Variants in CCSER1 observed in about 807,000 individuals in gnomAD.
CCSER1 encodes serine-rich coiled-coil domain-containing protein 1.
In CCSER1, 41 loss-of-function variants were observed where a neutral mutation model predicts 82.0. The ratio of observed to expected loss-of-function variants is 0.50; its 90% confidence interval spans 0.39 to 0.65. The LOEUF (loss-of-function observed/expected upper bound fraction) is 0.65. CCSER1 is among the 30% of genes least tolerant of loss of function. CCSER1 has a pLI of 0.00. For synonymous variants in CCSER1, 414 were observed against 383.9 expected, an observed-to-expected ratio of 1.08 and a Z score of -0.92; for missense variants, 1,119 against 1,064.2, an observed-to-expected ratio of 1.05 and a Z score of -0.72.
In CCSER1 at chr4:90,808,054, A is replaced by G. The variant is rs150431416; in HGVS notation, c.2011-7708A>G. On this transcript the variant is annotated intron_variant, in intron 7 of 10. Transcript: ENST00000509176. ...CTGTATAAAAGTAGATACATAGACCATTGGAACAGAATAGAGAACCCAGAA... is the reference window on the plus strand; with the variant it reads ...CTGTATAAAAGTAGATACATAGACCGTTGGAACAGAATAGAGAACCCAGAA... Among the ~76,000 whole-genome samples, 71 of 152,348 alleles carry G rather than the reference A, an allele frequency of 4.7e-4. 1 individual carries two copies. In the East Asian group the frequency reaches 0.012, roughly 25 times the overall value.
chr4:90,474,414 A>T (rs974527051), intron 5 of CCSER1, among the ~76,000 whole-genome samples: 2 of 152,212 alleles, frequency 1.3e-5, no homozygotes, highest in Admixed American at 1.3e-4. Context: ...AGCAGGGCCA[A>T]GTGACATGGT....
chr4:91,388,077 A>T (rs1528579), intron 10 of CCSER1, among the ~76,000 whole-genome samples: 102,299 of 151,820 alleles, frequency 0.67, 34,952 homozygotes, highest in East Asian at 0.86. Flanking sequence ...ATCAATTGAT[A>T]ATGAAATGGC....
chr4:91,583,555 C>A (rs1392664443), intron 10 of CCSER1, among the ~76,000 whole-genome samples: 1 of 151,264 alleles, frequency 6.6e-6, no homozygotes, highest in Non-Finnish European at 1.5e-5. Context: ...CTATAGAGTT[C>A]CTTGACATTT....
At chr4:91,306,885 C>T (rs1318816062) in intron 10 of CCSER1, among the ~76,000 whole-genome samples, 2 of 151,844 alleles carry the variant, frequency 1.3e-5, no homozygotes, top group African/African-American at 4.8e-5. Flanking sequence ...TTTTCTGCTG[C>T]ACTCTGAGGA....
intron 3 of CCSER1, among the ~76,000 whole-genome samples, chr4:90,344,750 G>A (rs928573735): frequency 1.7e-4 from 26 of 152,164 alleles, no homozygotes; most frequent in African/African-American, 5.8e-4. Context: ...GCCAGGTATA[G>A]TAACTTGTGC....
intron 5 of CCSER1, among the ~76,000 whole-genome samples, chr4:90,606,621 T>C (rs1784746692): frequency 6.6e-6 from 1 of 152,184 alleles, no homozygotes; most frequent in Admixed American, 6.6e-5. Flanking sequence ...CTGTGAAAAA[T>C]TTATTTTCAC....
intron 10 of CCSER1, among the ~76,000 whole-genome samples, chr4:91,241,978 A>G (rs917820309): frequency 6.7e-6 from 1 of 150,272 alleles, no homozygotes; most frequent in African/African-American, 2.5e-5. Context: ...ATATATATAT[A>G]TTTATGTGCA....
At chr4:91,593,063 A>ATAC (rs200496870) in intron 10 of CCSER1, among the ~76,000 whole-genome samples, 4,263 of 152,220 alleles carry the variant, frequency 0.028, no homozygotes, top group African/African-American at 0.095. Context: ...TCCCCCATAA[A>ATAC]TTCTATCATC....
Position 90,309,415 on chromosome 4 carries a change from A to G in CCSER1, c.1131A>G (p.Ile377Met). ...LPADSEREENIGLQNGETMLG... is the reference protein window; with the variant it reads ...LPADSEREENMGLQNGETMLG... The stretch of plus-strand genomic sequence containing the variant: ...CAGATAGTGAAAGAGAAGAAAATAT[A>G]GGGTTACAAAATGGTGAAACAATGC... Residue 377 changes from isoleucine to methionine, a missense_variant, in exon 2 of 11, where the codon ATA becomes ATG. Coordinates refer to ENST00000509176, the MANE Select transcript of CCSER1 (RefSeq NM_001145065.2). 6.2e-7 allele frequency: 1 copy of G among 1,613,826 alleles called. No homozygotes were observed.
intron 10 of CCSER1, among the ~76,000 whole-genome samples, chr4:91,526,439 T>A (rs1391978448): frequency 1.3e-5 from 2 of 152,144 alleles, no homozygotes; most frequent in Non-Finnish European, 2.9e-5. Context: ...CTGACCACCC[T>A]GGGGACATGT....
At chr4:90,730,662 G>T (rs748960190) in intron 7 of CCSER1, among the ~76,000 whole-genome samples, 40 of 152,140 alleles carry the variant, frequency 2.6e-4, no homozygotes, top group Non-Finnish European at 3.5e-4. Flanking sequence ...GAGTGTGTTG[G>T]TGTTTCAAAA....
At chr4:91,232,594 CAT>C (rs1358787791) in intron 10 of CCSER1, among the ~76,000 whole-genome samples, 3 of 151,578 alleles carry the variant, frequency 2.0e-5, no homozygotes, top group African/African-American at 4.8e-5. Flanking sequence ...AGGAAAGAAA[CAT>C]ATTTTTCATG....
intron 10 of CCSER1, among the ~76,000 whole-genome samples, chr4:91,331,713 T>C (rs747865397): frequency 6.6e-6 from 1 of 152,130 alleles, no homozygotes; most frequent in East Asian, 1.9e-4. Flanking sequence ...TAAAAAGATG[T>C]CAATTGATAA....
chr4:91,485,228 T>C (rs557574468), intron 10 of CCSER1, among the ~76,000 whole-genome samples: 2 of 152,166 alleles, frequency 1.3e-5, no homozygotes, highest in African/African-American at 4.8e-5. Flanking sequence ...ATTTCTTAAA[T>C]ATCATTTTCA....
chr4:90,344,408 T>G (rs184580023), intron 3 of CCSER1, among the ~76,000 whole-genome samples: 84 of 152,318 alleles, frequency 5.5e-4, no homozygotes, highest in Admixed American at 5.4e-3. Flanking sequence ...TCACACTTAC[T>G]TGAATCTGTT....
chr4:91,274,966 A>G (rs1194949886), intron 10 of CCSER1, among the ~76,000 whole-genome samples: 2 of 151,832 alleles, frequency 1.3e-5, no homozygotes, highest in Admixed American at 1.3e-4. Context: ...AATAGCTGGG[A>G]GTGGTGGCAG....
chr4:90,569,891 G>A (rs1248744688), intron 5 of CCSER1, among the ~76,000 whole-genome samples: 24 of 152,268 alleles, frequency 1.6e-4, no homozygotes, highest in Non-Finnish European at 2.9e-4. Flanking sequence ...CCACAGGAGA[G>A]TGCCTACAGC....
intron 9 of CCSER1, among the ~76,000 whole-genome samples, chr4:91,065,622 T>C (rs1720734009): frequency 6.6e-6 from 1 of 152,096 alleles, no homozygotes; most frequent in Admixed American, 6.5e-5. Context: ...TTTTGTGTTA[T>C]TGTCTGTAGA....
chr4:91,195,694 A>G (rs1272608512), intron 10 of CCSER1, among the ~76,000 whole-genome samples: 1 of 152,178 alleles, frequency 6.6e-6, no homozygotes, highest in Non-Finnish European at 1.5e-5. Context: ...AAACAAAACT[A>G]CTTTTAATCT....
Sources: gnomAD v4.1 joint callset for allele counts (sites outside exome capture counted in the v4.1 genomes callset) on GRCh38, gnomAD v4.1.1 for gene constraint, MANE v1.5 for transcripts, NCBI Gene and HGNC (gene_info 2026-07-23, HGNC 2026-07-21) for gene names.